Variants in ACTN1 observed in about 807,000 individuals in gnomAD.
The protein encoded by ACTN1 is actinin alpha 1, also known as alpha-actinin-1.
Under a neutral mutation model 119.6 loss-of-function variants are expected in ACTN1, and 30 were observed. The observed-to-expected ratio is 0.25, with a 90% confidence interval of 0.19 to 0.34. The LOEUF is 0.34. ACTN1 is among the 10% of genes least tolerant of loss of function. The pLI, the probability that ACTN1 is intolerant of heterozygous loss-of-function variation, is 1.00. For missense variants in ACTN1, 764 were observed against 1,223.4 expected (o/e 0.62, Z 5.60); for synonymous variants, 429 against 472.6 (o/e 0.91, Z 1.20).
rs1168613986 is a variant in ACTN1, at chr14:68,882,933, C to G, written c.1758G>C (p.Met586Ile). The change falls in exon 15 of 22, where the codon ATG becomes ATC. Residue 586 changes from methionine to isoleucine, a missense_variant. This residue lies in a region of ACTN1 where 544 missense variants were observed against 912.0 expected (regional missense o/e 0.60). Transcript: ENST00000394419. This position sits in a 1 kb window ranked among gnomAD's most constrained non-coding sequence, Gnocchi z 4.5. ...TGGTTGTGTAGGGGTTGGTGCCCGCCATATTGACGTGGTAGGTCTGGACAA... is the reference window on the plus strand; with the variant it reads ...TGGTTGTGTAGGGGTTGGTGCCCGCGATATTGACGTGGTAGGTCTGGACAA... ...SKIVQTYHVN[M>I]AGTNPYTTIT... The G allele has an allele frequency of 6.2e-7, 1 of 1,614,188 alleles. No homozygotes were observed. The highest frequency in any genetic ancestry group is 1.1e-5 in the South Asian group (1 of 91,088).
intron 1 of ACTN1, among the ~76,000 whole-genome samples, chr14:68,960,980 G>T (rs151275189): frequency 2.0e-5 from 3 of 152,290 alleles, no homozygotes; most frequent in African/African-American, 7.2e-5. Context: ...TTAGGTGGGA[G>T]GATCCCTTGA....
intron 8 of ACTN1, among the ~76,000 whole-genome samples, chr14:68,901,783 C>T (rs1241982483): frequency 6.6e-6 from 1 of 152,212 alleles, no homozygotes; most frequent in East Asian, 1.9e-4. Flanking sequence ...GGTGCAGAAC[C>T]TGCACGACTG....
At chr14:68,910,585 T>G (rs994741762) in intron 4 of ACTN1, among the ~76,000 whole-genome samples, 1 of 152,114 alleles carries the variant, frequency 6.6e-6, no homozygotes. Context: ...CACGTGTCTA[T>G]GAGGTTAGGC....
rs1259179630 is a variant in ACTN1, at chr14:68,912,162, C to T, written c.421G>A (p.Val141Met). The T allele has an allele frequency of 3.7e-6, 6 of 1,614,032 alleles. No individual in the cohort carries two copies. The highest frequency in any genetic ancestry group is 1.1e-5 in the South Asian group (1 of 91,076). The change falls in exon 4 of 22, where the codon GTG (valine) becomes ATG (methionine). Residue 141 changes from valine to methionine, a missense_variant. By Grantham distance (21) the Val-to-Met change is conservative. Around this residue, in one of 4 missense-constraint regions of ACTN1, gnomAD observed 54 missense variants for 153.2 expected, o/e 0.35. Transcript: ENST00000394419. ...ILRFAIQDIS[V>M]EETSAKEGLL... ...GAACAAAGCAGAAACCCACCTTCCA[C>T]GGAGATGTCCTGGATGGCAAAGCGC... is the stretch of plus-strand genomic sequence containing the variant.
At chr14:68,923,363 G>A (rs1444192811) in intron 2 of ACTN1, among the ~76,000 whole-genome samples, 3 of 152,162 alleles carry the variant, frequency 2.0e-5, no homozygotes, top group East Asian at 1.9e-4. Context: ...TGCGGGCAGG[G>A]CACAGTCCAC....
chr14:68,902,548 C>T lies in ACTN1; in HGVS notation c.691G>A (p.Ala231Thr). 6.2e-7 allele frequency: 1 copy of T among 1,613,724 alleles called. No individual in the cohort carries two copies. Among genetic ancestry groups the T allele is most frequent in the South Asian group, 1.1e-5 (1 of 91,068 alleles). Residue 231 changes from alanine to threonine, a missense_variant, in exon 8 of 22, where the codon GCC becomes ACC. Ala to Thr is a moderately conservative substitution (Grantham distance 58). Around this residue, in one of 4 missense-constraint regions of ACTN1, gnomAD observed 544 missense variants for 912.0 expected, o/e 0.60. Transcript: ENST00000394419. ...MLDAEDIVGT[A>T]RPDEKAIMTY... ...ATGATGGCTTTCTCATCCGGTCGGG[C>T]AGTTCCAACGATGTCTGTCAAGAAA...
rs1451817077 is a variant in ACTN1 at position 68,878,531 on chromosome 14, G to C, written c.2362-8C>G. On this transcript the variant is annotated splice_polypyrimidine_tract_variant and splice_region_variant and intron_variant, in intron 19 of 21. Coordinates refer to ENST00000394419, the MANE Select transcript of ACTN1 (RefSeq NM_001130004.2). This position sits in a 1 kb window ranked among gnomAD's most constrained non-coding sequence, Gnocchi z 4.4. The stretch of plus-strand genomic sequence containing the variant: ...CATCATGCCTGTCTTCTTCTGTGGG[G>C]GGCAGTGGTACCAAGACACAAGGAG... 1 of 1,609,904 alleles carries C rather than the reference G, an allele frequency of 6.2e-7. No individual in the cohort carries two copies. The highest frequency in any genetic ancestry group is 8.5e-7 in the Non-Finnish European group (1 of 1,177,490).
intron 1 of ACTN1, among the ~76,000 whole-genome samples, chr14:68,926,693 T>C (rs2140394456): frequency 6.6e-6 from 1 of 152,312 alleles, no homozygotes; most frequent in South Asian, 2.1e-4. Flanking sequence ...AGTGTATCAT[T>C]CATGTGACAG....
chr14:68,910,115 G>T, intron 4 of ACTN1, 73 bp from the exon 5 acceptor site: 1 of 1,295,598 alleles, frequency 7.7e-7, no homozygotes, highest in Non-Finnish European at 1.1e-6. Flanking sequence ...CTCACAGGAG[G>T]CCCCACTGTG....
rs1223416552 is a variant in ACTN1 at position 68,890,143 on chromosome 14, A to G, written c.1230T>C (p.Thr410=). Residue 410 remains threonine, a synonymous_variant, in exon 11 of 22, where the codon ACT becomes ACC. Transcript: ENST00000394419. ...RQKASIHEAW[T]DGKEAMLRQK... is the part of the protein sequence containing the mutation. ...AGGAGGCTGGGCTGGCCTCACCGTCAGTCCAGGCCTCGTGGATGGAGGCCT... is the reference window on the plus strand; with the variant it reads ...AGGAGGCTGGGCTGGCCTCACCGTCGGTCCAGGCCTCGTGGATGGAGGCCT... The G allele has an allele frequency of 2.5e-6, 4 of 1,613,120 alleles. No homozygotes were observed. Among genetic ancestry groups the G allele is most frequent in the Non-Finnish European group, 3.4e-6 (4 of 1,179,662 alleles).
Position 68,874,631 on chromosome 14 carries a change from T to C in ACTN1, c.*228A>G, listed in dbSNP as rs1480442752. 2.6e-6 allele frequency: 1 copy of C among 391,428 alleles called. No individual in the cohort carries two copies. Among genetic ancestry groups the C allele is most frequent in the Non-Finnish European group, 4.5e-6 (1 of 224,044 alleles). 24.2% of individuals were successfully genotyped at this position (391,428 alleles called of 1,614,324 possible). On this transcript the variant is annotated 3_prime_UTR_variant, in exon 22 of 22. Transcript: ENST00000394419. The stretch of plus-strand genomic sequence containing the variant: ...TGGTGGAGAAAAAATACTTTTTCTA[T>C]AATAAAATATGTAGTTTTTTGGTTT...
In ACTN1 at chr14:68,878,019, G is replaced by T. The variant is rs1053832604; in HGVS notation, c.2427+439C>A. On this transcript the variant is annotated intron_variant, in intron 20 of 21. Coordinates refer to ENST00000394419, the MANE Select transcript of ACTN1 (RefSeq NM_001130004.2). This position sits in a 1 kb window ranked among gnomAD's most constrained non-coding sequence, Gnocchi z 4.4. ...GGGGGGACAGACTAGGAAGGTTGGG[G>T]GGTGGGGGACGGCCTGGGACAATCC... The T allele has an allele frequency of 1.2e-5, 2 of 172,770 alleles. No individual in the cohort carries two copies. Among genetic ancestry groups the T allele is most frequent in the Non-Finnish European group, 2.5e-5 (2 of 80,310 alleles). 10.7% of individuals were successfully genotyped at this position (172,770 alleles called of 1,614,324 possible).
At chr14:68,881,955 T>TTTTTTTTTG (rs58500225) in intron 16 of ACTN1, among the ~76,000 whole-genome samples, 1 of 103,002 alleles carries the variant, frequency 9.7e-6, no homozygotes, top group Admixed American at 1.1e-4. Flanking sequence ...TTTTTTTTTT[T>TTTTTTTTTG]GACAGAGTCT....
chr14:68,978,594 G>A (rs1034054214), intron 1 of ACTN1: 10 of 288,994 alleles, frequency 3.5e-5, no homozygotes, highest in Admixed American at 1.0e-4. Flanking sequence ...AAGCAGCCCC[G>A]AGCCGGGGTC....
At chr14:68,971,647 A>G (rs1017198478) in intron 1 of ACTN1, among the ~76,000 whole-genome samples, 3 of 152,202 alleles carry the variant, frequency 2.0e-5, no homozygotes, top group African/African-American at 7.2e-5. Flanking sequence ...TCAACGTTAA[A>G]TGAAGCCACT....
At chr14:68,923,824 C>A (rs1384983204) in intron 2 of ACTN1, among the ~76,000 whole-genome samples, 5 of 152,010 alleles carry the variant, frequency 3.3e-5, no homozygotes, top group Non-Finnish European at 7.4e-5. Context: ...GCATTATTCA[C>A]AATACCCAAA....
At chr14:68,972,733 C>T (rs1302075511) in intron 1 of ACTN1, among the ~76,000 whole-genome samples, 1 of 152,232 alleles carries the variant, frequency 6.6e-6, no homozygotes, top group East Asian at 1.9e-4. Context: ...GCCCGACTGC[C>T]TGGCTTCAGA....
Position 68,898,635 on chromosome 14 carries a change from T to G in ACTN1, c.762+3842A>C, listed in dbSNP as rs369442798. Among the ~76,000 whole-genome samples, 23 of 151,824 alleles carry G rather than the reference T, an allele frequency of 1.5e-4. No homozygotes were observed. In the East Asian group the frequency reaches 3.1e-3, roughly 20 times the overall value. ...ATCAGCCCCACCACACAAGGCGAGG[T>G]AGGGTTCCCCTCCCCTGCCTGCTCA... On this transcript the variant is annotated intron_variant, in intron 8 of 21. Coordinates refer to ENST00000394419, the MANE Select transcript of ACTN1 (RefSeq NM_001130004.2).
chr14:68,875,593 A>G (rs1268380623), intron 21 of ACTN1, among the ~76,000 whole-genome samples: 1 of 152,238 alleles, frequency 6.6e-6, no homozygotes, highest in Non-Finnish European at 1.5e-5. Context: ...AGGTTTGCTC[A>G]TGATAGGTCT....
Sources: allele counts gnomAD v4.1 joint callset (sites outside exome capture counted in the v4.1 genomes callset), GRCh38; gene constraint gnomAD v4.1.1; regional missense constraint gnomAD v4.1.1; non-coding constraint Gnocchi (gnomAD v3.1); transcripts MANE v1.5; gene names NCBI Gene and HGNC (gene_info 2026-07-23, HGNC 2026-07-21).